FBXO46: variants seen among roughly 807,000 people sequenced by gnomAD.
The protein encoded by FBXO46 is F-box only protein 46.
In FBXO46, 13 loss-of-function variants were observed where a neutral mutation model predicts 30.7. That is an observed-to-expected ratio of 0.42 (90% CI 0.28 to 0.67). The LOEUF (loss-of-function observed/expected upper bound fraction) is 0.67, where lower values mean the gene tolerates loss of function less well. FBXO46 is among the 30% of genes least tolerant of loss of function. FBXO46 has a pLI of 0.21. For missense variants in FBXO46, 754 were observed against 871.5 expected (o/e 0.87, Z 1.70); for synonymous variants, 467 against 385.8 (o/e 1.21, Z -2.47).
intron 1 of FBXO46, among the ~76,000 whole-genome samples, chr19:45,728,425 G>C (rs1006895737): frequency 6.6e-6 from 1 of 152,162 alleles, no homozygotes; most frequent in Non-Finnish European, 1.5e-5. Context: ...CCTTCCATAA[G>C]TATTGGAGTA....
upstream of FBXO46, among the ~76,000 whole-genome samples, chr19:45,731,830 AAAG>A (rs1568551098): frequency 6.6e-6 from 1 of 150,712 alleles, no homozygotes; most frequent in Non-Finnish European, 1.5e-5. Context: ...TCTTAAAATA[AAAG>A]AAGGCCGGGC....
In FBXO46 at chr19:45,712,168, G is replaced by T. The variant is rs376744820; in HGVS notation, c.1328C>A (p.Thr443Asn). The change falls in exon 2 of 2, where the codon ACC (threonine) becomes AAC (asparagine). Residue 443 changes from threonine to asparagine, a missense_variant. Thr to Asn is a moderately conservative substitution (Grantham distance 65). Around this residue, in one of 5 missense-constraint regions of FBXO46, gnomAD observed 162 missense variants for 258.7 expected, o/e 0.63. Transcript: ENST00000317683. This position sits in a 1 kb window ranked among gnomAD's most constrained non-coding sequence, Gnocchi z 8.8. ...GPDDAEGTAD[T>N]SLCRLYRHVS... ...GTGCCGGTACAAGCGGCACAGGGAG[G>T]TGTCCGCCGTGCCCTCGGCATCGTC... 7.5e-6 allele frequency: 12 copies of T among 1,598,034 alleles called. No homozygotes were observed. Among genetic ancestry groups the T allele is most frequent in the Non-Finnish European group, 1.0e-5 (12 of 1,173,012 alleles).
chr19:45,711,570 G>A lies in FBXO46; in HGVS notation c.*114C>T, dbSNP rs889985200. ...GAACCCCAGCTCAGTTCCGGTGAGGGATCAATGCTGCCTGGAGTAGGGGAA... is the reference window on the plus strand; with the variant it reads ...GAACCCCAGCTCAGTTCCGGTGAGGAATCAATGCTGCCTGGAGTAGGGGAA... On this transcript the variant is annotated 3_prime_UTR_variant, in exon 2 of 2. Transcript: ENST00000317683. The A allele has an allele frequency of 7.2e-6, 6 of 836,630 alleles. No homozygotes were observed. The highest frequency in any genetic ancestry group is 9.8e-6 in the Non-Finnish European group (5 of 508,264). 51.8% of individuals were successfully genotyped at this position (836,630 alleles called of 1,614,324 possible). A position where few individuals can be genotyped will look rare whatever the true frequency, so the allele number is the denominator to read the frequency against.
intron 1 of FBXO46, among the ~76,000 whole-genome samples, chr19:45,730,564 C>CT (rs1968295018): frequency 6.6e-6 from 1 of 152,074 alleles, no homozygotes; most frequent in Non-Finnish European, 1.5e-5. Context: ...TTCAGGGCCT[C>CT]TACCTGGATG....
rs944586359 is a variant in FBXO46 at position 45,710,702 on chromosome 19, C to T, written c.*982G>A. 3.9e-5 allele frequency: 6 copies of T among 152,210 alleles called. No individual in the cohort carries two copies. The highest frequency in any genetic ancestry group is 4.4e-5 in the Non-Finnish European group (3 of 68,200). The allele number at this position is 152,210 out of a possible 1,614,324, so 9.4% of individuals were successfully genotyped here. A position where few individuals can be genotyped will look rare whatever the true frequency, so the allele number is the denominator to read the frequency against. ...GCCACACGCTAGAAGCTTCCAGAAC[C>T]ACGATGGAAAGAAAAAAAAGAAAAC... On this transcript the variant is annotated 3_prime_UTR_variant, in exon 2 of 2. Coordinates refer to ENST00000317683, the MANE Select transcript of FBXO46 (RefSeq NM_001080469.2).
Position 45,713,420 on chromosome 19 carries a change from G to A in FBXO46, c.76C>T (p.Arg26Cys), listed in dbSNP as rs748282680. Residue 26 changes from arginine (R) to cysteine (C), a missense_variant, in exon 2 of 2, where the codon CGC (arginine) becomes TGC (cysteine). Transcript: ENST00000317683. The surrounding 1 kb of genome is among the most constrained non-coding windows in gnomAD (Gnocchi z 4.7). ...PFGTYSQNQP[R>C]PPSAALKPSA... is the part of the protein sequence containing the mutation. ...GGCTTGAGGGCCGCAGAAGGCGGGC[G>A]TGGCTGGTTCTGTGAGTAGGTGCCA... 10 of 1,606,790 alleles carry A rather than the reference G, an allele frequency of 6.2e-6. No individual in the cohort carries two copies. Among genetic ancestry groups the A allele is most frequent in the African/African-American group, 5.3e-5 (4 of 74,796 alleles).
rs1297441475 is a variant in FBXO46 at position 45,712,337 on chromosome 19, T to C, written c.1159A>G (p.Asn387Asp). The change falls in exon 2 of 2, where the codon AAC (asparagine) becomes GAC (aspartate). Residue 387 changes from asparagine (N) to aspartate (D), a missense_variant. Asn to Asp is a conservative substitution (Grantham distance 23). This residue lies in a region of FBXO46 where 454 missense variants were observed against 426.5 expected (regional missense o/e 1.06). Coordinates refer to ENST00000317683, the MANE Select transcript of FBXO46 (RefSeq NM_001080469.2). This position sits in a 1 kb window ranked among gnomAD's most constrained non-coding sequence, Gnocchi z 8.8. Reference sequence around the variant, plus strand: ...AGGCACACAGTCTCCTCCTTCACGTTCTTGGTGCCGTCCTTGCCAAAGAAG... The same window carrying C: ...AGGCACACAGTCTCCTCCTTCACGTCCTTGGTGCCGTCCTTGCCAAAGAAG... Reference protein sequence around the residue: ...CIFFGKDGTKNVKEETVCLTV... With the variant: ...CIFFGKDGTKDVKEETVCLTV... The C allele has an allele frequency of 1.2e-6, 2 of 1,601,554 alleles. No homozygotes were observed. The highest frequency in any genetic ancestry group is 1.7e-6 in the Non-Finnish European group (2 of 1,179,620).
At chr19:45,722,218 C>CT (rs1180252106) in intron 1 of FBXO46, among the ~76,000 whole-genome samples, 2 of 152,114 alleles carry the variant, frequency 1.3e-5, no homozygotes, top group Non-Finnish European at 2.9e-5. Context: ...ACTGGGTCCC[C>CT]TCCCTTTTAA....
At chr19:45,722,567 C>G (rs955767532) in intron 1 of FBXO46, among the ~76,000 whole-genome samples, 1 of 152,048 alleles carries the variant, frequency 6.6e-6, no homozygotes, top group East Asian at 1.9e-4. Flanking sequence ...TCGAGACCAT[C>G]CTGGCTAACA....
rs900420399 is a variant in FBXO46 at position 45,713,742 on chromosome 19, C to T, written c.-78-169G>A. Reference sequence around the variant, plus strand: ...CAGCACTTTGGGAGGCTGAGGTGGGCAGATCACCTGAGGTCAGGAGTTTGA... The same window carrying T: ...CAGCACTTTGGGAGGCTGAGGTGGGTAGATCACCTGAGGTCAGGAGTTTGA... On this transcript the variant is annotated intron_variant, in intron 1 of 1. Coordinates refer to ENST00000317683, the MANE Select transcript of FBXO46 (RefSeq NM_001080469.2). The surrounding 1 kb of genome is among the most constrained non-coding windows in gnomAD (Gnocchi z 4.7). Among the ~76,000 whole-genome samples the T allele has an allele frequency of 1.3e-5, 2 of 151,964 alleles. No individual in the cohort carries two copies. The highest frequency in any genetic ancestry group is 2.9e-5 in the Non-Finnish European group (2 of 67,982).
At chr19:45,733,002 C>A (rs376927326), upstream of FBXO46, among the ~76,000 whole-genome samples, 8 of 152,258 alleles carry the variant, frequency 5.3e-5, no homozygotes, top group East Asian at 1.3e-3. The surrounding 1 kb of genome is among the most constrained non-coding windows in gnomAD (Gnocchi z 5.7). Context: ...TGGCTAAGTT[C>A]CCACCATCTA....
At chr19:45,717,122 C>A (rs1442179644) in intron 1 of FBXO46, 2 of 152,132 alleles carry the variant, frequency 1.3e-5, no homozygotes, top group African/African-American at 4.8e-5. Flanking sequence ...ATCCCCTAAA[C>A]CCACGTTAAA....
intron 1 of FBXO46, among the ~76,000 whole-genome samples, chr19:45,727,296 G>T (rs138178392): frequency 6.6e-6 from 1 of 151,744 alleles, no homozygotes. Flanking sequence ...AGTGGCTCAC[G>T]CCTGTAATCC....
intron 1 of FBXO46, among the ~76,000 whole-genome samples, chr19:45,730,278 T>C (rs1968291782): frequency 6.6e-6 from 1 of 152,066 alleles, no homozygotes. Flanking sequence ...CGGGAGTCTC[T>C]GGCGGGACTA....
intron 1 of FBXO46, among the ~76,000 whole-genome samples, chr19:45,717,853 G>A (rs982676790): frequency 6.6e-6 from 1 of 152,010 alleles, no homozygotes; most frequent in African/African-American, 2.4e-5. Flanking sequence ...AAAAACAAAT[G>A]GACAGAACCC....
At chr19:45,732,578 CT>C (rs1205985560), upstream of FBXO46, among the ~76,000 whole-genome samples, 3 of 92,864 alleles carry the variant, frequency 3.2e-5, no homozygotes, top group East Asian at 7.5e-4. Context: ...CTTTTTCTTT[CT>C]TTTTTTTCCT....
At position 45,713,522 on chromosome 19, in the gene FBXO46, G is replaced by A; in HGVS notation, c.-27C>T. 1.3e-6 allele frequency: 2 copies of A among 1,520,854 alleles called. No individual in the cohort carries two copies. Among genetic ancestry groups the A allele is most frequent in the Non-Finnish European group, 1.8e-6 (2 of 1,129,194 alleles). 94.2% of individuals were successfully genotyped at this position (1,520,854 alleles called of 1,614,324 possible). ...CTGGGGGATGATGGCAGACAGGCTGGGCTTCAGCGCATCTCAGGACCTAGG... is the reference window on the plus strand; with the variant it reads ...CTGGGGGATGATGGCAGACAGGCTGAGCTTCAGCGCATCTCAGGACCTAGG... On this transcript the variant is annotated 5_prime_UTR_variant, in exon 2 of 2. Coordinates refer to ENST00000317683, the MANE Select transcript of FBXO46 (RefSeq NM_001080469.2). This position sits in a 1 kb window ranked among gnomAD's most constrained non-coding sequence, Gnocchi z 4.7.
intron 1 of FBXO46, among the ~76,000 whole-genome samples, chr19:45,724,587 A>G (rs1968213567): frequency 6.6e-6 from 1 of 152,052 alleles, no homozygotes; most frequent in South Asian, 2.1e-4. Context: ...TGGGAGGATC[A>G]CTTGAGTCCA....
chr19:45,716,789 T>C (rs1396675577), intron 1 of FBXO46: 1 of 152,168 alleles, frequency 6.6e-6, no homozygotes, highest in Non-Finnish European at 1.5e-5. Context: ...AGGTAGGTAC[T>C]GCGCTAACAA....
Sources: allele counts gnomAD v4.1 joint callset (sites outside exome capture counted in the v4.1 genomes callset), GRCh38; gene constraint gnomAD v4.1.1; regional missense constraint gnomAD v4.1.1; non-coding constraint Gnocchi (gnomAD v3.1); transcripts MANE v1.5; gene names NCBI Gene and HGNC (gene_info 2026-07-23, HGNC 2026-07-21).